WDR64: variants seen among roughly 807,000 people sequenced by gnomAD.
WDR64 encodes WD repeat-containing protein 64.
A neutral mutation model predicts 139.3 loss-of-function variants in WDR64; 112 were observed. The ratio of observed to expected loss-of-function variants is 0.80; its 90% CI spans 0.69 to 0.94. The LOEUF (loss-of-function observed/expected upper bound fraction) is 0.94, where lower values mean the gene tolerates loss of function less well. Ranked by LOEUF, WDR64 falls within the 40% of genes least tolerant of loss-of-function variation. The pLI is 0.00. For missense variants in WDR64, 1,206 were observed against 1,293.1 expected (o/e 0.93, Z 1.03); for synonymous variants, 444 against 437.7 (o/e 1.01, Z -0.18).
intron 8 of WDR64, among the ~76,000 whole-genome samples, chr1:241,700,509 ATGTT>A (rs1455530275): frequency 6.6e-6 from 1 of 152,168 alleles, no homozygotes; most frequent in African/African-American, 2.4e-5. Flanking sequence ...TAGAGGAAGA[ATGTT>A]TGAGAACAGG....
intron 2 of WDR64, among the ~76,000 whole-genome samples, chr1:241,668,278 G>C (rs975905509): frequency 6.6e-6 from 1 of 152,092 alleles, no homozygotes; most frequent in African/African-American, 2.4e-5. Flanking sequence ...GGGAGGCCGA[G>C]GGGGGCGGAT....
intron 8 of WDR64, among the ~76,000 whole-genome samples, chr1:241,710,296 T>C (rs951686343): frequency 2.0e-5 from 3 of 152,106 alleles, no homozygotes; most frequent in Non-Finnish European, 4.4e-5. Flanking sequence ...TGCTAATCTC[T>C]GAGGTTGGTA....
intron 10 of WDR64, among the ~76,000 whole-genome samples, chr1:241,735,529 C>T (rs1343220326): frequency 4.1e-5 from 4 of 98,686 alleles, no homozygotes; most frequent in African/African-American, 1.3e-4. Flanking sequence ...CTCTCTCTCT[C>T]TCTCTTTTTT....
chr1:241,674,103 C>A (rs969123423), intron 3 of WDR64, among the ~76,000 whole-genome samples: 1 of 151,824 alleles, frequency 6.6e-6, no homozygotes, highest in Non-Finnish European at 1.5e-5. Context: ...AATTAATGTA[C>A]CACATTTAGT....
intron 9 of WDR64, among the ~76,000 whole-genome samples, chr1:241,722,695 G>A (rs1029521093): frequency 1.3e-5 from 2 of 152,094 alleles, no homozygotes; most frequent in Admixed American, 6.5e-5. Context: ...TTTCCCACAG[G>A]GAGTTAGAGA....
intron 8 of WDR64, among the ~76,000 whole-genome samples, chr1:241,695,920 C>A (rs1667463828): frequency 6.6e-6 from 1 of 151,746 alleles, no homozygotes; most frequent in Admixed American, 6.6e-5. Context: ...TCAAGACCAG[C>A]CTGGGCAACA....
At chr1:241,674,262 T>TTC (rs1553362794) in intron 3 of WDR64, among the ~76,000 whole-genome samples, 1 of 119,570 alleles carries the variant, frequency 8.4e-6, no homozygotes, top group African/African-American at 3.5e-5. Context: ...TTTTCTTTTC[T>TTC]TTTTTTTTTT....
chr1:241,660,990 A>G (rs1194750543), intron 2 of WDR64, among the ~76,000 whole-genome samples: 2 of 152,220 alleles, frequency 1.3e-5, no homozygotes, highest in African/African-American at 4.8e-5. Flanking sequence ...CAATGGGTTC[A>G]ATGTACACAA....
chr1:241,667,468 A>G (rs1666064362), intron 2 of WDR64, among the ~76,000 whole-genome samples: 1 of 152,224 alleles, frequency 6.6e-6, no homozygotes, highest in Admixed American at 6.5e-5. Context: ...GAATTAAGGT[A>G]CTAATCAGTT....
rs939555165 is a variant in WDR64, at chr1:241,656,952, T to G, written c.146-3578T>G. ...GGTGAGGTGCAAAATCTCCCCTGCA[T>G]AAGAACCACTGCTCTAGATTCCTGC... On this transcript the variant is annotated intron_variant, in intron 1 of 27. Transcript: ENST00000437684. The surrounding 1 kb of genome is among the most constrained non-coding windows in gnomAD (Gnocchi z 4.3). 6.6e-6 allele frequency among the ~76,000 whole-genome samples: 1 copy of G among 150,682 alleles called. No individual in the cohort carries two copies. Among genetic ancestry groups the G allele is most frequent in the Admixed American group, 6.6e-5 (1 of 15,062 alleles).
intron 15 of WDR64, among the ~76,000 whole-genome samples, chr1:241,757,678 G>A (rs1244839169): frequency 7.2e-6 from 1 of 137,964 alleles, no homozygotes; most frequent in East Asian, 2.1e-4. Flanking sequence ...TTTTGAGACA[G>A]GGTTCTGCTC....
In WDR64 at chr1:241,790,662, A is replaced by G. The variant is rs371866678; in HGVS notation, c.2963A>G (p.Asp988Gly). ...CCCAAGGCCTTTGAAGTGGAACAGG[A>G]TTTCAAGTTTTTCAAGTCTCTTTCT... ...TPPKAFEVEQDFKFFKSLSSP... is the reference protein window; with the variant it reads ...TPPKAFEVEQGFKFFKSLSSP... The change falls in exon 25 of 28, where the codon GAT becomes GGT. Residue 988 changes from aspartate (D) to glycine (G), a missense_variant. Transcript: ENST00000437684. 2.5e-6 allele frequency: 4 copies of G among 1,608,082 alleles called. No homozygotes were observed. The highest frequency in any genetic ancestry group is 1.3e-5 in the African/African-American group (1 of 74,398).
At chr1:241,742,823 C>T (rs1246328764) in intron 12 of WDR64, among the ~76,000 whole-genome samples, 8 of 152,212 alleles carry the variant, frequency 5.3e-5, no homozygotes, top group African/African-American at 1.7e-4. Context: ...ACGGCCATCA[C>T]AGCATTTCCT....
intron 10 of WDR64, among the ~76,000 whole-genome samples, chr1:241,729,843 T>G (rs1669010525): frequency 6.8e-6 from 1 of 147,728 alleles, no homozygotes; most frequent in African/African-American, 2.5e-5. Flanking sequence ...ATGATGCAAG[T>G]TCAAATACTT....
chr1:241,674,504 C>T lies in WDR64; in HGVS notation c.380-140C>T, dbSNP rs531968532. The T allele has an allele frequency of 5.5e-5, 31 of 559,538 alleles. No individual in the cohort carries two copies. In the South Asian group the frequency reaches 6.7e-4, roughly 12 times the overall value. The allele number at this position is 559,538 out of a possible 1,614,324, so 34.7% of individuals were successfully genotyped here. On this transcript the variant is annotated intron_variant, in intron 3 of 27. Transcript: ENST00000437684. ...TCCTGGACTTGAGCAATCCACCTTC[C>T]TTAGCCTCTCAAAATTCTGGGATTA...
At chr1:241,676,547 T>C (rs1666560996) in intron 4 of WDR64, 1 of 152,048 alleles carries the variant, frequency 6.6e-6, no homozygotes, top group South Asian at 2.1e-4. Flanking sequence ...AGAAGGAAAA[T>C]AATTATGTGC....
In WDR64 at chr1:241,656,037, G is replaced by A. The variant is rs566512372; in HGVS notation, c.145+3408G>A. On this transcript the variant is annotated intron_variant, in intron 1 of 27. Coordinates refer to ENST00000437684, the MANE Select transcript of WDR64 (RefSeq NM_001367482.1). This position sits in a 1 kb window ranked among gnomAD's most constrained non-coding sequence, Gnocchi z 4.3. Reference sequence around the variant, plus strand: ...CACAAGTTGACCTTGCTCTCATTAAGAAACTTGCAATCACAAAGCCACACT... The same window carrying A: ...CACAAGTTGACCTTGCTCTCATTAAAAAACTTGCAATCACAAAGCCACACT... Among the ~76,000 whole-genome samples, 13 of 152,210 alleles carry A rather than the reference G, an allele frequency of 8.5e-5. No homozygotes were observed. In the South Asian group the frequency reaches 2.7e-3, roughly 32 times the overall value.
At chr1:241,675,051 C>A (rs1666446150) in intron 4 of WDR64, among the ~76,000 whole-genome samples, 1 of 98,922 alleles carries the variant, frequency 1.0e-5, no homozygotes, top group Admixed American at 9.9e-5. Flanking sequence ...TCTTTCCTTC[C>A]TTTTCTCCCT....
chr1:241,688,135 A>C (rs757257867), intron 8 of WDR64, among the ~76,000 whole-genome samples: 7 of 152,230 alleles, frequency 4.6e-5, no homozygotes, highest in Non-Finnish European at 8.8e-5. Flanking sequence ...CTACAACATG[A>C]ATGAATATCA....
Sources: gnomAD v4.1 joint callset for allele counts (sites outside exome capture counted in the v4.1 genomes callset) on GRCh38, gnomAD v4.1.1 for gene constraint, Gnocchi (gnomAD v3.1) non-coding constraint, MANE v1.5 for transcripts, NCBI Gene and HGNC (gene_info 2026-07-23, HGNC 2026-07-21) for gene names.